The following MALRD1 variants were observed in gnomAD, a reference collection of about 807,000 sequenced individuals.
The protein encoded by MALRD1 is MAM and LDL-receptor class A domain-containing protein 1.
In MALRD1, 247 loss-of-function variants were observed where a neutral mutation model predicts 242.1. The ratio of observed to expected loss-of-function variants is 1.02; its 90% CI spans 0.92 to 1.13. The LOEUF (loss-of-function observed/expected upper bound fraction) is 1.13. Among genes scored for constraint, MALRD1 ranks in the 50% most tolerant of loss-of-function variants. MALRD1 has a pLI of 0.00. For missense variants in MALRD1, 2,989 were observed against 2,533.1 expected (o/e 1.18, Z -3.86); for synonymous variants, 995 against 866.6 (o/e 1.15, Z -2.60).
chr10:19,157,448 C>A (rs1016140213), intron 12 of MALRD1, among the ~76,000 whole-genome samples: 4 of 151,942 alleles, frequency 2.6e-5, no homozygotes, highest in African/African-American at 9.7e-5. Flanking sequence ...GGGGTTTCAC[C>A]ATGTTATCCA....
intron 18 of MALRD1, among the ~76,000 whole-genome samples, chr10:19,249,061 C>G (rs1311147063): frequency 6.8e-6 from 1 of 147,980 alleles, no homozygotes; most frequent in Non-Finnish European, 1.5e-5. Context: ...GTATATGTCT[C>G]TGTGCACATA....
At chr10:19,500,407 T>A (rs4747375) in intron 31 of MALRD1, among the ~76,000 whole-genome samples, 26 of 152,022 alleles carry the variant, frequency 1.7e-4, no homozygotes, top group African/African-American at 6.0e-4. Flanking sequence ...AAAGATGGAC[T>A]ATACAGTATG....
At chr10:19,126,225 G>C (rs1159891387) in intron 7 of MALRD1, among the ~76,000 whole-genome samples, 3 of 152,050 alleles carry the variant, frequency 2.0e-5, no homozygotes, top group Non-Finnish European at 2.9e-5. Flanking sequence ...GTGCAGGAAT[G>C]AGTATACGTT....
At chr10:19,638,652 C>G (rs996645311) in intron 36 of MALRD1, among the ~76,000 whole-genome samples, 1 of 152,158 alleles carries the variant, frequency 6.6e-6, no homozygotes, top group Admixed American at 6.5e-5. Flanking sequence ...TTTCCAGCTA[C>G]TTCAGGAATG....
intron 18 of MALRD1, among the ~76,000 whole-genome samples, chr10:19,228,994 G>T (rs1837925705): frequency 6.6e-6 from 1 of 152,062 alleles, no homozygotes; most frequent in African/African-American, 2.4e-5. Context: ...GTGTGTGTGT[G>T]TGTGTGTGTA....
At chr10:19,281,385 T>C (rs576872983) in intron 20 of MALRD1, among the ~76,000 whole-genome samples, 1 of 152,328 alleles carries the variant, frequency 6.6e-6, no homozygotes, top group African/African-American at 2.4e-5. Flanking sequence ...TGAGTATCTT[T>C]AGGGAATACC....
At chr10:19,415,885 C>A (rs146176410) in intron 28 of MALRD1, among the ~76,000 whole-genome samples, 2 of 152,130 alleles carry the variant, frequency 1.3e-5, no homozygotes, top group Non-Finnish European at 2.9e-5. Context: ...GTTGTTCACA[C>A]GTGAATTCCA....
chr10:19,288,386 A>G (rs1220245128), intron 21 of MALRD1, among the ~76,000 whole-genome samples: 1 of 151,912 alleles, frequency 6.6e-6, no homozygotes, highest in Non-Finnish European at 1.5e-5. Context: ...AATAGGTCCT[A>G]TTCATTCTTT....
At chr10:19,583,527 T>G (rs1178235290) in intron 33 of MALRD1, among the ~76,000 whole-genome samples, 3 of 150,886 alleles carry the variant, frequency 2.0e-5, no homozygotes, top group Admixed American at 2.0e-4. Flanking sequence ...GGATTACATT[T>G]ATTGATTTGC....
At chr10:19,593,570 A>C (rs568113850) in intron 33 of MALRD1, among the ~76,000 whole-genome samples, 1 of 152,136 alleles carries the variant, frequency 6.6e-6, no homozygotes, top group African/African-American at 2.4e-5. Flanking sequence ...ATTTTCCCTT[A>C]ATATATTGAT....
intron 38 of MALRD1, among the ~76,000 whole-genome samples, chr10:19,693,356 T>A (rs982154497): frequency 3.3e-5 from 5 of 152,106 alleles, no homozygotes; most frequent in Admixed American, 1.3e-4. Context: ...CTCCTTAAGC[T>A]GATAGGCAAC....
intron 19 of MALRD1, among the ~76,000 whole-genome samples, chr10:19,275,738 G>T (rs991517144): frequency 4.6e-5 from 7 of 152,168 alleles, no homozygotes; most frequent in Non-Finnish European, 7.4e-5. Context: ...TTTGTGACTA[G>T]AAGTGTATTA....
At chr10:19,603,954 C>T (rs1264313036) in intron 34 of MALRD1, among the ~76,000 whole-genome samples, 1 of 152,146 alleles carries the variant, frequency 6.6e-6, no homozygotes, top group Admixed American at 6.6e-5. Flanking sequence ...CCTTGGGTCT[C>T]CCCATTCCCT....
intron 31 of MALRD1, among the ~76,000 whole-genome samples, chr10:19,505,335 T>C (rs1833072971): frequency 1.3e-5 from 2 of 152,128 alleles, no homozygotes; most frequent in Non-Finnish European, 2.9e-5. Flanking sequence ...ATACGGTCTT[T>C]AAGTAGGTGA....
At chr10:19,238,261 A>G (rs181598089) in intron 18 of MALRD1, among the ~76,000 whole-genome samples, 1,861 of 67,434 alleles carry the variant, frequency 0.028, 142 homozygotes, top group African/African-American at 0.066. Context: ...TACATAATAT[A>G]TATTATATAT....
At chr10:19,675,693 GT>G (rs1842109411) in intron 36 of MALRD1, among the ~76,000 whole-genome samples, 1 of 152,190 alleles carries the variant, frequency 6.6e-6, no homozygotes, top group African/African-American at 2.4e-5. Flanking sequence ...ACCGTAACAT[GT>G]TGTCCAAATG....
At position 19,280,123 on chromosome 10, in the gene MALRD1, C is replaced by T. The variant is rs148123615; in HGVS notation, c.3156C>T (p.Asp1052=). ...CATTACCTCCACACAACTGCACAGA[C>T]AATGAATTTATCTGCAGGTCTGATG... is the stretch of plus-strand genomic sequence containing the variant. ...PVTLPPHNCT[D]NEFICRSDGH... is the part of the protein sequence containing the mutation. The change falls in exon 20 of 40, where the codon GAC becomes GAT. Residue 1052 remains aspartate, a synonymous_variant. Coordinates refer to ENST00000454679, the MANE Select transcript of MALRD1 (RefSeq NM_001142308.3). 4.5e-4 allele frequency: 700 copies of T among 1,545,906 alleles called. 1 individual carries two copies. The African/African-American group carries it at 8.9e-3, about 20-fold the overall frequency.
At chr10:19,074,936 C>T (rs1053014495) in intron 2 of MALRD1, among the ~76,000 whole-genome samples, 3 of 150,308 alleles carry the variant, frequency 2.0e-5, no homozygotes, top group Admixed American at 2.0e-4. Context: ...AAAGATACAT[C>T]TTTTGAACCA....
At position 19,048,892 on chromosome 10, in the gene MALRD1, GACTT is replaced by G. The variant is rs1252187565; in HGVS notation, c.-41_-38del. Reference sequence around the variant, plus strand: ...AAATAAAAGAATGTTTCCAATGATGGACTTACTTATTACAACTGCTTGATCTCTA... The same window carrying G: ...AAATAAAAGAATGTTTCCAATGATGGACTTATTACAACTGCTTGATCTCTA... On this transcript the variant is annotated 5_prime_UTR_variant, in exon 1 of 40. An upstream open reading frame in the 5' UTR loses its in-frame stop. Coordinates refer to ENST00000454679, the MANE Select transcript of MALRD1 (RefSeq NM_001142308.3). The G allele has an allele frequency of 1.1e-5, 13 of 1,193,802 alleles. No homozygotes were observed. The highest frequency in any genetic ancestry group is 1.4e-5 in the Non-Finnish European group (13 of 951,836). The allele number at this position is 1,193,802 out of a possible 1,614,324, so 74.0% of individuals were successfully genotyped here.
Sources: allele counts gnomAD v4.1 joint callset (sites outside exome capture counted in the v4.1 genomes callset), GRCh38; gene constraint gnomAD v4.1.1; transcripts MANE v1.5; gene names NCBI Gene and HGNC (gene_info 2026-07-23, HGNC 2026-07-21).